Variants in ARHGAP33 observed in about 807,000 individuals in gnomAD.
ARHGAP33 encodes the protein Rho GTPase activating protein 33, also known as rho GTPase-activating protein 33.
ARHGAP33 carries 57 observed loss-of-function variants against 126.2 expected under a neutral mutation model. That is an observed-to-expected ratio of 0.45 (90% confidence interval 0.36 to 0.56). The LOEUF (loss-of-function observed/expected upper bound fraction) is 0.56, where lower values mean the gene tolerates loss of function less well. Among genes scored for constraint, ARHGAP33 ranks in the 20% least tolerant of loss-of-function variants. ARHGAP33 has a pLI of 0.00. For missense variants in ARHGAP33, 1,500 were observed against 1,748.3 expected, an observed-to-expected ratio of 0.86 and a Z score of 2.53; for synonymous variants, 711 against 755.0, an observed-to-expected ratio of 0.94 and a Z score of 0.95.
Position 35,785,037 on chromosome 19 carries a change from G to A in ARHGAP33, c.1652G>A (p.Arg551His), listed in dbSNP as rs1364369905. The A allele has an allele frequency of 4.5e-6, 7 of 1,552,562 alleles. No homozygotes were observed. In the South Asian group the frequency reaches 5.9e-5, roughly 13 times the overall value. Residue 551 changes from arginine to histidine, a missense_variant, in exon 17 of 21, where the codon CGC becomes CAC. Coordinates refer to ENST00000007510, the MANE Select transcript of ARHGAP33 (RefSeq NM_001366178.1). ...RLLTLEEAQA[R>H]TQGRLGTPTE... Reference sequence around the variant, plus strand: ...CTGACGCTGGAGGAAGCCCAGGCACGCACCCAGGGCCGGCTGGGGACGCCC... The same window carrying A: ...CTGACGCTGGAGGAAGCCCAGGCACACACCCAGGGCCGGCTGGGGACGCCC...
At chr19:35,778,095 G>A (rs887422396) in intron 3 of ARHGAP33, among the ~76,000 whole-genome samples, 185 bp from the exon 4 acceptor site, 5 of 152,192 alleles carry the variant, frequency 3.3e-5, no homozygotes, top group African/African-American at 1.2e-4. Flanking sequence ...TCATCCATTT[G>A]TTCTTTTATT....
chr19:35,777,409 C>G lies in ARHGAP33; in HGVS notation c.7-236C>G, dbSNP rs78545288. On this transcript the variant is annotated intron_variant, in intron 1 of 20. Coordinates refer to ENST00000007510, the MANE Select transcript of ARHGAP33 (RefSeq NM_001366178.1). ...AGATGGGACCAGCATGCTCTCCATC[C>G]TGTTGCCCCGCCTCACGTCTGGCCC... Among the ~76,000 whole-genome samples, 612 of 152,218 alleles carry G rather than the reference C, an allele frequency of 4.0e-3. 31 individuals are homozygous for G. In the East Asian group the frequency reaches 0.1, roughly 26 times the overall value.
intron 1 of ARHGAP33, 32 bp from the exon 2 acceptor site, chr19:35,777,613 T>C (rs1330938697): frequency 6.5e-7 from 1 of 1,532,084 alleles, no homozygotes; most frequent in East Asian, 2.4e-5. Context: ...TGCTCCCATC[T>C]CTGGGGGCCT....
chr19:35,775,579 TCGCCATGGCGG>T lies in ARHGAP33; in HGVS notation c.-77_-67del, dbSNP rs939004522. On this transcript the variant is annotated 5_prime_UTR_variant, in exon 1 of 21. It removes an upstream start codon present in the reference 5' UTR. Coordinates refer to ENST00000007510, the MANE Select transcript of ARHGAP33 (RefSeq NM_001366178.1). ...CGCGGCTCGCGCCCTCCCCTTTGTG[TCGCCATGGCGG>T]CGGCAGCGGCGACGAGAACGGCGAG... The T allele has an allele frequency of 4.9e-6, 7 of 1,441,452 alleles. No homozygotes were observed. Among genetic ancestry groups the T allele is most frequent in the Non-Finnish European group, 6.4e-6 (7 of 1,099,894 alleles). The allele number at this position is 1,441,452 out of a possible 1,614,324, so 89.3% of individuals were successfully genotyped here.
chr19:35,784,100 C>T lies in ARHGAP33; in HGVS notation c.1422-72C>T. 3.7e-6 allele frequency: 5 copies of T among 1,348,276 alleles called. No homozygotes were observed. In the Admixed American group the frequency reaches 5.8e-5, roughly 16 times the overall value. The allele number at this position is 1,348,276 out of a possible 1,614,324, so 83.5% of individuals were successfully genotyped here. A position where few individuals can be genotyped will look rare whatever the true frequency, so the allele number is the denominator to read the frequency against. On this transcript the variant is annotated intron_variant, in intron 15 of 20. Transcript: ENST00000007510. The stretch of plus-strand genomic sequence containing the variant: ...AGACAGTCACTGCCTCCCCTGGCTC[C>T]CCTCATTGCCCTGCCAGAACCTGCT...
intron 15 of ARHGAP33, among the ~76,000 whole-genome samples, chr19:35,783,169 G>T (rs1971896236): frequency 6.6e-6 from 1 of 152,174 alleles, no homozygotes; most frequent in Non-Finnish European, 1.5e-5. Context: ...CAGGGTCAGG[G>T]CAGTGTGAAG....
chr19:35,779,427 A>G (rs1434078660), intron 6 of ARHGAP33, among the ~76,000 whole-genome samples: 1 of 151,978 alleles, frequency 6.6e-6, no homozygotes, highest in Non-Finnish European at 1.5e-5. Flanking sequence ...CTTAAACCAG[A>G]GGGGTTTTTT....
In ARHGAP33 at chr19:35,787,875, T is replaced by C. The variant is rs2146759308; in HGVS notation, c.3310T>C (p.Trp1104Arg). ...GSPYSGPTRS[W>R]SPFRSMPPDR... is the part of the protein sequence containing the mutation. ...CCCCTATTCTGGCCCCACCCGCTCC[T>C]GGAGTCCCTTTCGCTCCATGCCCCC... The change falls in exon 21 of 21, where the codon TGG (tryptophan) becomes CGG (arginine). Residue 1104 changes from tryptophan (W) to arginine (R), a missense_variant. By Grantham distance (101) the Trp-to-Arg change is moderately radical. Transcript: ENST00000007510. The C allele has an allele frequency of 6.2e-7, 1 of 1,610,024 alleles. No homozygotes were observed. Among genetic ancestry groups the C allele is most frequent in the Non-Finnish European group, 8.5e-7 (1 of 1,177,980 alleles).
chr19:35,787,601 G>C lies in ARHGAP33; in HGVS notation c.3036G>C (p.Ala1012=), dbSNP rs1292795209. ...QLRAGGGGRD[A]PEAAAQSPCS... is the part of the protein sequence containing the mutation. ...GGGCAGGTGGCGGGGGCAGGGATGC[G>C]CCAGAGGCAGCAGCCCAGTCCCCAT... The change falls in exon 21 of 21, where the codon GCG becomes GCC. Residue 1012 remains alanine (A), a synonymous_variant. Transcript: ENST00000007510. 1 of 1,605,256 alleles carries C rather than the reference G, an allele frequency of 6.2e-7. No homozygotes were observed. Among genetic ancestry groups the C allele is most frequent in the East Asian group, 2.2e-5 (1 of 44,822 alleles).
Position 35,786,879 on chromosome 19 carries a change from G to A in ARHGAP33, c.2409G>A (p.Val803=). ...TCTCAGAGCCCCTGGCTGTATCAGT[G>A]CCACCCGCTGTCCTAGAACTGCTGG... ...LDISEPLAVS[V]PPAVLELLGA... is the part of the protein sequence containing the mutation. The change falls in exon 20 of 21, where the codon GTG becomes GTA. Residue 803 remains valine (V), a synonymous_variant. Transcript: ENST00000007510. This position sits in a 1 kb window ranked among gnomAD's most constrained non-coding sequence, Gnocchi z 7.0. 1.2e-6 allele frequency: 2 copies of A among 1,606,752 alleles called. No homozygotes were observed. Among genetic ancestry groups the A allele is most frequent in the Non-Finnish European group, 8.5e-7 (1 of 1,178,560 alleles).
chr19:35,785,520 C>A, intron 19 of ARHGAP33, 37 bp downstream of exon 19: 1 of 1,612,872 alleles, frequency 6.2e-7, no homozygotes, highest in Non-Finnish European at 8.5e-7. Flanking sequence ...GCTACCTGTG[C>A]CCATGTGGAG....
At chr19:35,778,989 T>G in intron 5 of ARHGAP33, 43 bp from the exon 6 acceptor site, 1 of 1,478,840 alleles carries the variant, frequency 6.8e-7, no homozygotes, top group Non-Finnish European at 9.2e-7. Context: ...GTGGGCTCTC[T>G]CACGTCCACT....
Position 35,782,870 on chromosome 19 carries a change from G to A in ARHGAP33, c.1421+1G>A. 1 of 1,609,194 alleles carries A rather than the reference G, an allele frequency of 6.2e-7. No homozygotes were observed. Among genetic ancestry groups the A allele is most frequent in the Non-Finnish European group, 8.5e-7 (1 of 1,177,676 alleles). On this transcript the variant is annotated splice_donor_variant, in intron 15 of 20. Transcript: ENST00000007510. LOFTEE classifies it high-confidence loss of function. The surrounding 1 kb of genome is among the most constrained non-coding windows in gnomAD (Gnocchi z 4.1). Reference sequence around the variant, plus strand: ...TTGTCTGGGCACCCAACCTGCTACGGTGAGCTGCTTGCTCGCCTGCCTGCC... The same window carrying A: ...TTGTCTGGGCACCCAACCTGCTACGATGAGCTGCTTGCTCGCCTGCCTGCC...
At chr19:35,784,407 C>A in intron 16 of ARHGAP33, 90 bp downstream of exon 16, 1 of 1,445,528 alleles carries the variant, frequency 6.9e-7, no homozygotes. Flanking sequence ...GTCCCGTCCC[C>A]ACCCCACTGA....
Position 35,787,216 on chromosome 19 carries a change from G to A in ARHGAP33, c.2651G>A (p.Arg884His), listed in dbSNP as rs202050153. 35 of 1,610,248 alleles carry A rather than the reference G, an allele frequency of 2.2e-5. No individual in the cohort carries two copies. Among genetic ancestry groups the A allele is most frequent in the South Asian group, 4.4e-5 (4 of 90,922 alleles). Residue 884 changes from arginine to histidine, a missense_variant, in exon 21 of 21, where the codon CGC becomes CAC. Physicochemically the swap from Arg to His is conservative, Grantham distance 29. Around this residue, in one of 6 missense-constraint regions of ARHGAP33, gnomAD observed 642 missense variants for 634.0 expected, o/e 1.01. Transcript: ENST00000007510. ...CCACCCCCTCCCCTGTCTCTCCTGC[G>A]CCCTGGGGGTGCCCCACCCCCGCCC... ...PLPPPPLSLL[R>H]PGGAPPPPPK...
chr19:35,778,378 C>G lies in ARHGAP33; in HGVS notation c.270+18C>G, dbSNP rs765960551. The G allele has an allele frequency of 2.5e-6, 4 of 1,614,194 alleles. No individual in the cohort carries two copies. Among genetic ancestry groups the G allele is most frequent in the Non-Finnish European group, 3.4e-6 (4 of 1,180,022 alleles). On this transcript the variant is annotated intron_variant, in intron 4 of 20. Coordinates refer to ENST00000007510, the MANE Select transcript of ARHGAP33 (RefSeq NM_001366178.1). ...CCTGTCAGGTGAGGCCATCCCGCCT[C>G]TCATCTAGCCTGAGAGAATGGCCAC... is the stretch of plus-strand genomic sequence containing the variant.
chr19:35,782,843 C>T lies in ARHGAP33; in HGVS notation c.1395C>T (p.Ala465=). 1 of 1,613,442 alleles carries T rather than the reference C, an allele frequency of 6.2e-7. No homozygotes were observed. Among genetic ancestry groups the T allele is most frequent in the Non-Finnish European group, 8.5e-7 (1 of 1,179,676 alleles). The change falls in exon 15 of 21, where the codon GCC becomes GCT. Residue 465 remains alanine (A), a synonymous_variant. Coordinates refer to ENST00000007510, the MANE Select transcript of ARHGAP33 (RefSeq NM_001366178.1). This position sits in a 1 kb window ranked among gnomAD's most constrained non-coding sequence, Gnocchi z 4.1. ...CCAGCATGCATGCCCGCAACCTGGC[C>T]ATTGTCTGGGCACCCAACCTGCTAC... The part of the protein sequence containing the change: ...ANTSMHARNL[A]IVWAPNLLRS...
At chr19:35,784,361 G>T (rs372415769) in intron 16 of ARHGAP33, 44 bp downstream of exon 16, 11 of 1,509,036 alleles carry the variant, frequency 7.3e-6, no homozygotes, top group Non-Finnish European at 8.9e-6. Context: ...TGCCCACCAC[G>T]ATCAGGGCTG....
At chr19:35,779,311 CGTGTGTGT>C in intron 6 of ARHGAP33, 187 bp downstream of exon 6, 1 of 574,656 alleles carries the variant, frequency 1.7e-6, no homozygotes, top group African/African-American at 1.9e-5. Context: ...TGTGTGTGCA[CGTGTGTGT>C]GTTAGCAGGT....
Sources: gnomAD v4.1 joint callset for allele counts (sites outside exome capture counted in the v4.1 genomes callset) on GRCh38, gnomAD v4.1.1 for gene constraint, gnomAD v4.1.1 regional missense constraint, Gnocchi (gnomAD v3.1) non-coding constraint, MANE v1.5 for transcripts, NCBI Gene and HGNC (gene_info 2026-07-23, HGNC 2026-07-21) for gene names.